Variants in NBAS observed in about 807,000 individuals in gnomAD.
NBAS encodes the protein NBAS subunit of NRZ tethering complex.
In NBAS, 219 loss-of-function variants were observed where a neutral mutation model predicts 302.5. The observed-to-expected ratio is 0.72, with a 90% confidence interval of 0.65 to 0.81. The LOEUF (loss-of-function observed/expected upper bound fraction) is 0.81. Ranked by LOEUF, NBAS falls within the 30% of genes least tolerant of loss-of-function variation. NBAS has a pLI of 0.00. For missense variants in NBAS, 2,932 were observed against 2,841.6 expected (o/e 1.03, Z -0.72); for synonymous variants, 1,118 against 1,021.6 (o/e 1.09, Z -1.80).
At chr2:15,012,404 G>A in the NBAS span, among the ~76,000 whole-genome samples, 36 of 152,014 alleles carry the variant, frequency 2.4e-4, no homozygotes, top group African/African-American at 8.2e-4. Flanking sequence ...AGGACTTACA[G>A]GACACCATTA....
chr2:14,825,297 T>C, the NBAS span, among the ~76,000 whole-genome samples: 2 of 152,126 alleles, frequency 1.3e-5, no homozygotes, highest in Admixed American at 6.5e-5. Flanking sequence ...AGAATAGAAT[T>C]TTGCAGGTTC....
At chr2:15,530,364 A>T (rs993187234) in intron 9 of NBAS, among the ~76,000 whole-genome samples, 1 of 152,104 alleles carries the variant, frequency 6.6e-6, no homozygotes. Flanking sequence ...AATGAAAAAT[A>T]TAACAATAAA....
the NBAS span, among the ~76,000 whole-genome samples, chr2:15,103,988 A>T: frequency 6.6e-6 from 1 of 152,098 alleles, no homozygotes; most frequent in Non-Finnish European, 1.5e-5. Context: ...TTTGGACAGA[A>T]TAGAGGTGAT....
At chr2:15,188,739 G>A (rs1665204647) in intron 49 of NBAS, among the ~76,000 whole-genome samples, 1 of 152,128 alleles carries the variant, frequency 6.6e-6, no homozygotes, top group Non-Finnish European at 1.5e-5. Flanking sequence ...GCTGATTTTG[G>A]TTCTTGAGAA....
the NBAS span, among the ~76,000 whole-genome samples, chr2:15,046,945 A>G: frequency 3.9e-5 from 6 of 152,214 alleles, no homozygotes; most frequent in Non-Finnish European, 7.3e-5. Flanking sequence ...TCCAGTCAAC[A>G]TCATCAGGGG....
the NBAS span, among the ~76,000 whole-genome samples, chr2:15,102,755 G>C: frequency 6.6e-6 from 1 of 152,002 alleles, no homozygotes; most frequent in Non-Finnish European, 1.5e-5. Flanking sequence ...CCTAAGGTTA[G>C]TTCTCCCTAC....
chr2:15,388,048 T>C (rs1675396407), intron 28 of NBAS, among the ~76,000 whole-genome samples: 2 of 152,156 alleles, frequency 1.3e-5, no homozygotes, highest in South Asian at 2.1e-4. Context: ...CAAATGAATA[T>C]ATACATTTGC....
intron 7 of NBAS, among the ~76,000 whole-genome samples, chr2:15,537,717 G>GA (rs1414036900): frequency 2.0e-5 from 3 of 152,048 alleles, no homozygotes; most frequent in Non-Finnish European, 4.4e-5. Context: ...TTTAAAAAAA[G>GA]AAAAAATGGT....
At chr2:15,191,531 A>G (rs912071116) in intron 48 of NBAS, among the ~76,000 whole-genome samples, 17 of 152,176 alleles carry the variant, frequency 1.1e-4, no homozygotes, top group Admixed American at 2.6e-4. Context: ...CTTTTTTGAA[A>G]TAATTTCACA....
chr2:15,088,957 C>A, the NBAS span, among the ~76,000 whole-genome samples: 8 of 152,136 alleles, frequency 5.3e-5, no homozygotes, highest in African/African-American at 1.9e-4. Context: ...CAGTAAGCAC[C>A]AGGCACAAAG....
the NBAS span, among the ~76,000 whole-genome samples, chr2:15,142,982 C>T: frequency 6.6e-6 from 1 of 152,202 alleles, no homozygotes; most frequent in African/African-American, 2.4e-5. Flanking sequence ...CATTTTGGAA[C>T]ACTAGCTCTG....
intron 23 of NBAS, among the ~76,000 whole-genome samples, chr2:15,421,010 A>G (rs911260197): frequency 6.6e-5 from 10 of 152,222 alleles, no homozygotes; most frequent in Non-Finnish European, 1.3e-4. Flanking sequence ...AGGGAGGTAC[A>G]GTATGAGGCA....
At chr2:15,419,709 C>T (rs774091283) in intron 23 of NBAS, among the ~76,000 whole-genome samples, 2 of 151,854 alleles carry the variant, frequency 1.3e-5, no homozygotes, top group Non-Finnish European at 1.5e-5. Context: ...ACTTGGTTGA[C>T]GATTTTTTTC....
chr2:15,217,415 T>C (rs1024990513), intron 48 of NBAS, among the ~76,000 whole-genome samples: 1 of 152,244 alleles, frequency 6.6e-6, no homozygotes, highest in Admixed American at 6.5e-5. Context: ...ATTACAAAGA[T>C]ATTCGTGATG....
At chr2:14,926,564 A>G in the NBAS span, among the ~76,000 whole-genome samples, 1 of 152,172 alleles carries the variant, frequency 6.6e-6, no homozygotes, top group Admixed American at 6.5e-5. Flanking sequence ...AGGTTTTTTC[A>G]TCTTTTATAG....
chr2:15,238,059 G>C (rs1378920595), intron 45 of NBAS, among the ~76,000 whole-genome samples: 2 of 152,130 alleles, frequency 1.3e-5, no homozygotes, highest in Non-Finnish European at 1.5e-5. Flanking sequence ...ACAGGAGTGA[G>C]CCACCGCGCC....
At chr2:15,246,639 T>C (rs1001830609) in intron 44 of NBAS, among the ~76,000 whole-genome samples, 6 of 152,170 alleles carry the variant, frequency 3.9e-5, no homozygotes, top group African/African-American at 1.4e-4. Flanking sequence ...TTTAAGTGAG[T>C]TGAAACAAAG....
the NBAS span, among the ~76,000 whole-genome samples, chr2:14,846,513 G>A: frequency 7.2e-6 from 1 of 138,194 alleles, no homozygotes; most frequent in African/African-American, 3.2e-5. Context: ...GTAATAGTAA[G>A]TACACAAAAA....
intron 21 of NBAS, among the ~76,000 whole-genome samples, chr2:15,447,156 C>T (rs373932897): frequency 1.0e-3 from 156 of 152,318 alleles, no homozygotes; most frequent in African/African-American, 3.6e-3. Flanking sequence ...ATCAGCTTTA[C>T]GCTGAACCAT....
Sources: gnomAD v4.1 joint callset for allele counts (sites outside exome capture counted in the v4.1 genomes callset) on GRCh38, gnomAD v4.1.1 for gene constraint, MANE v1.5 for transcripts, NCBI Gene and HGNC (gene_info 2026-07-23, HGNC 2026-07-21) for gene names.